DMD: variants seen among roughly 807,000 people sequenced by gnomAD.
DMD encodes mutant dystrophin.
DMD carries 63 observed loss-of-function variants against 330.1 expected under a neutral mutation model. The ratio of observed to expected loss-of-function variants is 0.19; its 90% CI spans 0.16 to 0.24. The LOEUF is 0.24. Ranked by LOEUF, DMD falls within the 10% of genes least tolerant of loss-of-function variation. The pLI is 1.00. For synonymous variants in DMD, 1,223 were observed against 959.8 expected (o/e 1.27, Z -5.07); for missense variants, 3,344 against 2,684.1 (o/e 1.25, Z -5.43).
chrX:31,760,396 GCA>G (rs1227496587), intron 51 of DMD, among the ~76,000 whole-genome samples: 1 of 111,920 alleles, frequency 8.9e-6, no homozygotes, highest in African/African-American at 3.2e-5. Context: ...ACTATCATGT[GCA>G]CAGTCTGTAT....
intron 47 of DMD, among the ~76,000 whole-genome samples, chrX:31,891,978 A>T (rs867400931): frequency 1.8e-5 from 2 of 112,146 alleles, no homozygotes; most frequent in African/African-American, 3.2e-5. Context: ...TTTGGTGGAA[A>T]TTTTTTTAAA....
chrX:31,802,800 T>G (rs756472502), intron 50 of DMD, among the ~76,000 whole-genome samples: 92 of 111,640 alleles, frequency 8.2e-4, no homozygotes, highest in Non-Finnish European at 1.6e-3. Context: ...TTTCATGCCT[T>G]AAAGTCTTCT....
chrX:32,435,450 G>A (rs73222845), intron 29 of DMD, among the ~76,000 whole-genome samples: 1,572 of 107,008 alleles, frequency 0.015, 19 homozygotes, highest in Non-Finnish European at 0.021. Flanking sequence ...TTTAAGTGCC[G>A]TATTTTATAT....
At chrX:32,756,270 A>G (rs1179908942) in intron 7 of DMD, 1 of 112,165 alleles carries the variant, frequency 8.9e-6, no homozygotes, top group African/African-American at 3.2e-5. Context: ...GAAGAAATAA[A>G]GCTGAGAACG....
chrX:32,754,736 A>C, intron 7 of DMD, among the ~76,000 whole-genome samples: 1 of 111,521 alleles, frequency 9.0e-6, no homozygotes. Flanking sequence ...GAGGTCAATA[A>C]ATATCTAATT....
At chrX:31,373,356 C>G (rs1466252633) in intron 60 of DMD, among the ~76,000 whole-genome samples, 29 of 98,499 alleles carry the variant, frequency 2.9e-4, no homozygotes, top group African/African-American at 1.0e-3. Context: ...GAGCCCGCAT[C>G]GCCAAGTCAA....
chrX:32,933,552 C>A (rs961525540), intron 2 of DMD, among the ~76,000 whole-genome samples: 2 of 111,821 alleles, frequency 1.8e-5, no homozygotes, highest in Non-Finnish European at 3.8e-5. Flanking sequence ...AAAGAGATAA[C>A]ACTAAAAATA....
chrX:32,652,405 C>T (rs751829016), intron 9 of DMD, among the ~76,000 whole-genome samples: 14 of 106,475 alleles, frequency 1.3e-4, no homozygotes, highest in Admixed American at 3.1e-4. Context: ...TTTGTCCTTG[C>T]GTTAGCTTGC....
chrX:31,301,761 T>G (rs1027649530), intron 62 of DMD, among the ~76,000 whole-genome samples: 12 of 112,127 alleles, frequency 1.1e-4, no homozygotes, highest in South Asian at 7.3e-4. Context: ...GTTTGTTTTT[T>G]TTTGTTTGTT....
At chrX:31,189,342 C>T (rs1202585682) in intron 67 of DMD, among the ~76,000 whole-genome samples, 1 of 111,104 alleles carries the variant, frequency 9.0e-6, no homozygotes. Context: ...AGCCCCACTC[C>T]CACGGGGATT....
chrX:32,274,026 G>GA (rs1377070910), intron 43 of DMD, among the ~76,000 whole-genome samples: 3 of 111,402 alleles, frequency 2.7e-5, no homozygotes, highest in Non-Finnish European at 5.7e-5. Flanking sequence ...TCCAGGTAGA[G>GA]AAAAAATGCA....
At chrX:32,320,709 C>T (rs1432769476) in intron 41 of DMD, among the ~76,000 whole-genome samples, 3 of 111,850 alleles carry the variant, frequency 2.7e-5, no homozygotes, top group African/African-American at 6.5e-5. Flanking sequence ...AATTAATATT[C>T]TTTTATAATG....
intron 60 of DMD, among the ~76,000 whole-genome samples, chrX:31,381,824 ACTTCTCAGTGTTCCATCTG>A (rs1436677719): frequency 8.9e-6 from 1 of 111,760 alleles, no homozygotes; most frequent in African/African-American, 3.3e-5. Flanking sequence ...CAAAGAAATA[ACTTCTCAGTGTTCCATCTG>A]CTATTCTACT....
intron 11 of DMD, among the ~76,000 whole-genome samples, chrX:32,625,576 T>A (rs1200865224): frequency 8.9e-6 from 1 of 112,332 alleles, no homozygotes; most frequent in East Asian, 2.8e-4. Flanking sequence ...TAGCATTTTT[T>A]AAAATTTTCA....
intron 56 of DMD, among the ~76,000 whole-genome samples, chrX:31,503,787 G>T (rs1294000851): frequency 7.2e-5 from 8 of 110,878 alleles, no homozygotes. Context: ...TTAGAAAATA[G>T]AATTTATTGA....
intron 60 of DMD, among the ~76,000 whole-genome samples, chrX:31,437,287 A>G (rs1056810633): frequency 2.7e-5 from 3 of 112,066 alleles, no homozygotes; most frequent in African/African-American, 9.7e-5. Context: ...CAAGCTACAG[A>G]CAATGCTTGA....
chrX:32,276,814 G>C (rs2097390719), intron 43 of DMD, among the ~76,000 whole-genome samples: 1 of 110,652 alleles, frequency 9.0e-6, no homozygotes, highest in South Asian at 3.9e-4. Flanking sequence ...CAGCCTCTTG[G>C]GGGGCTAAGG....
At chrX:31,672,269 A>G (rs1396158781) in intron 53 of DMD, among the ~76,000 whole-genome samples, 1 of 112,320 alleles carries the variant, frequency 8.9e-6, no homozygotes, top group African/African-American at 3.2e-5. Flanking sequence ...TCTGCATTGT[A>G]TGATTTTAAT....
chrX:32,237,652 T>C (rs778921692), intron 43 of DMD, among the ~76,000 whole-genome samples: 1 of 112,087 alleles, frequency 8.9e-6, no homozygotes, highest in Non-Finnish European at 1.9e-5. Context: ...CTTTGGATGA[T>C]GAAGTGAAAT....
Sources: allele counts gnomAD v4.1 joint callset (sites outside exome capture counted in the v4.1 genomes callset), GRCh38; gene constraint gnomAD v4.1.1; transcripts MANE v1.5; gene names NCBI Gene and HGNC (gene_info 2026-07-23, HGNC 2026-07-21).